The following OARD1 variants were observed in gnomAD, a reference collection of about 807,000 sequenced individuals.
OARD1 encodes the protein ADP-ribose glycohydrolase OARD1.
OARD1 carries 19 observed loss-of-function variants against 19.7 expected under a neutral mutation model. The ratio of observed to expected loss-of-function variants is 0.96; its 90% CI spans 0.67 to 1.41. The LOEUF is 1.41. OARD1 is among the 40% of genes most tolerant of loss of function. OARD1 has a pLI of 0.00. For synonymous variants in OARD1, 70 were observed against 61.8 expected (o/e 1.13, Z -0.62); for missense variants, 190 against 183.8 (o/e 1.03, Z -0.20).
chr6:41,073,968 T>G (rs1763645231), upstream of OARD1, among the ~76,000 whole-genome samples: 1 of 152,372 alleles, frequency 6.6e-6, no homozygotes, highest in East Asian at 1.9e-4. Flanking sequence ...ATTCGGTGCC[T>G]GGAACCTCAC....
upstream of OARD1, among the ~76,000 whole-genome samples, chr6:41,076,715 G>C (rs1312004046): frequency 2.6e-5 from 4 of 152,232 alleles, no homozygotes; most frequent in East Asian, 7.7e-4. Flanking sequence ...TTTGTGTTAA[G>C]AGCAAGAGCT....
At chr6:41,074,581 A>C (rs1763679666), upstream of OARD1, among the ~76,000 whole-genome samples, 1 of 152,236 alleles carries the variant, frequency 6.6e-6, no homozygotes, top group Non-Finnish European at 1.5e-5. Flanking sequence ...CGAAGAGAAG[A>C]AAAGCATGTG....
upstream of OARD1, chr6:41,075,356 T>C (rs1763705147): frequency 6.6e-6 from 1 of 152,342 alleles, no homozygotes; most frequent in South Asian, 2.1e-4. Context: ...TGACCTGAAA[T>C]AGATGTTTTA....
chr6:41,085,531 G>A (rs968709110), intron 1 of OARD1, among the ~76,000 whole-genome samples: 2 of 152,100 alleles, frequency 1.3e-5, no homozygotes, highest in African/African-American at 4.8e-5. Flanking sequence ...ATGGAAAAGA[G>A]AGTATGAGAT....
intron 1 of OARD1, among the ~76,000 whole-genome samples, chr6:41,087,087 T>A (rs1764070688): frequency 6.6e-6 from 1 of 152,192 alleles, no homozygotes; most frequent in Admixed American, 6.5e-5. Context: ...AAATAACGTT[T>A]ATGTATTTAT....
chr6:41,073,390 G>A (rs1304150377), upstream of OARD1, among the ~76,000 whole-genome samples: 1 of 151,916 alleles, frequency 6.6e-6, no homozygotes, highest in Non-Finnish European at 1.5e-5. Context: ...CCCGACTCAG[G>A]CCCAGGTTCT....
intron 1 of OARD1, among the ~76,000 whole-genome samples, chr6:41,078,761 A>G (rs1405054729): frequency 8.5e-5 from 13 of 152,196 alleles, no homozygotes; most frequent in Admixed American, 7.2e-4. Flanking sequence ...CTTAACGAGT[A>G]TCTCTTAGGT....
At chr6:41,074,921 G>T (rs978438183), upstream of OARD1, among the ~76,000 whole-genome samples, 1 of 152,140 alleles carries the variant, frequency 6.6e-6, no homozygotes, top group Admixed American at 6.5e-5. Context: ...GCATTCCCTG[G>T]CACATAAAGG....
intron 1 of OARD1, chr6:41,094,598 T>A: frequency 1.2e-6 from 1 of 806,536 alleles, no homozygotes. Flanking sequence ...ACTCTGGGAC[T>A]ACTCACATTC....
intron 4 of OARD1, 109 bp downstream of exon 4, chr6:41,069,967 G>C: frequency 1.3e-6 from 1 of 794,718 alleles, no homozygotes; most frequent in Non-Finnish European, 2.3e-6. Context: ...TAGTTGTCTA[G>C]AATAGAACAT....
intron 1 of OARD1, among the ~76,000 whole-genome samples, chr6:41,097,010 A>G (rs1294798900): frequency 6.6e-6 from 1 of 152,202 alleles, no homozygotes; most frequent in Non-Finnish European, 1.5e-5. Context: ...ACAGCATGAC[A>G]TGGTTTCTCT....
upstream of OARD1, among the ~76,000 whole-genome samples, chr6:41,076,921 T>C (rs1008443372): frequency 2.0e-5 from 3 of 152,218 alleles, no homozygotes; most frequent in Admixed American, 6.5e-5. Flanking sequence ...CACTCTGTCA[T>C]TAATGTGAGA....
chr6:41,068,002 T>A (rs1581997468), intron 5 of OARD1, among the ~76,000 whole-genome samples: 2 of 152,190 alleles, frequency 1.3e-5, no homozygotes, highest in South Asian at 2.1e-4. Flanking sequence ...ACTCTAGTGA[T>A]CCTCAACACG....
rs1254592473 is a variant in OARD1, at chr6:41,096,619, A to C, written c.-42+1094T>G. On this transcript the variant is annotated intron_variant, in intron 1 of 4. Coordinates refer to the OARD1 transcript ENST00000480585. Reference sequence around the variant, plus strand: ...CCAGTTCCAGTCTTCCATCTCCAGAAGGCTTTCAGCTTTTTCTCAGATCCT... The same window carrying C: ...CCAGTTCCAGTCTTCCATCTCCAGACGGCTTTCAGCTTTTTCTCAGATCCT... Among the ~76,000 whole-genome samples, 8 of 152,334 alleles carry C rather than the reference A, an allele frequency of 5.3e-5. No homozygotes were observed. The East Asian group carries it at 1.3e-3, about 26-fold the overall frequency.
In OARD1 at chr6:41,083,904, G is replaced by A. The variant is rs567894731; in HGVS notation, c.-41-12229C>T. ...TCATAGATATTTAAAGATAACTTGA[G>A]GACTTGAGACATATATTTTCTTAGT... On this transcript the variant is annotated intron_variant, in intron 1 of 4. Transcript: ENST00000480585. 1.3e-4 allele frequency: 95 copies of A among 724,208 alleles called. No homozygotes were observed. The African/African-American group carries it at 1.6e-3, about 12-fold the overall frequency. The allele number at this position is 724,208 out of a possible 1,614,324, so 44.9% of individuals were successfully genotyped here. A position where few individuals can be genotyped will look rare whatever the true frequency, so the allele number is the denominator to read the frequency against.
chr6:41,083,876 G>A (rs1038557437), intron 1 of OARD1, among the ~76,000 whole-genome samples: 3 of 152,176 alleles, frequency 2.0e-5, no homozygotes, highest in Non-Finnish European at 4.4e-5. Context: ...TTAGTAACAG[G>A]ATTCATAGAT....
chr6:41,073,845 G>C (rs1377055607), upstream of OARD1, among the ~76,000 whole-genome samples: 6 of 152,090 alleles, frequency 3.9e-5, no homozygotes, highest in Non-Finnish European at 8.8e-5. Context: ...CACCCCTTTT[G>C]GCTCGTCATT....
In OARD1 at chr6:41,071,142, A is replaced by AT; in HGVS notation, c.173_174insA (p.Leu59PhefsTer36). 6.2e-7 allele frequency: 1 copy of AT among 1,614,242 alleles called. No individual in the cohort carries two copies. The highest frequency in any genetic ancestry group is 1.3e-5 in the African/African-American group (1 of 75,072). ...GTTTCCAAAACTCACGTTGATTTAA[A>AT]AGTTCTTGCACCCCTCCAAATTTCT... On this transcript the variant is annotated frameshift_variant, in exon 3 of 6. Transcript: ENST00000424266. LOFTEE classifies it high-confidence loss of function.
Position 41,071,294 on chromosome 6 carries a change from G to A in OARD1, c.40-18C>T, listed in dbSNP as rs752080947. 4 of 1,611,150 alleles carry A rather than the reference G, an allele frequency of 2.5e-6. No individual in the cohort carries two copies. Among genetic ancestry groups the A allele is most frequent in the African/African-American group, 2.7e-5 (2 of 74,718 alleles). On this transcript the variant is annotated intron_variant, in intron 2 of 5. Transcript: ENST00000424266. ...TAAGTGATCTAAAAAATGTGCAAAG[G>A]AAAAGACAATGTTTTATTAGATACA...
Sources: gnomAD v4.1 joint callset for allele counts (sites outside exome capture counted in the v4.1 genomes callset) on GRCh38, gnomAD v4.1.1 for gene constraint, MANE v1.5 for transcripts, NCBI Gene and HGNC (gene_info 2026-07-23, HGNC 2026-07-21) for gene names.